GALNT11: variants seen among roughly 807,000 people sequenced by gnomAD.
GALNT11 encodes polypeptide N-acetylgalactosaminyltransferase 11.
GALNT11 carries 47 observed loss-of-function variants against 72.7 expected under a neutral mutation model. The ratio of observed to expected loss-of-function variants is 0.65; its 90% CI spans 0.51 to 0.82. The LOEUF (loss-of-function observed/expected upper bound fraction) is 0.82, where lower values mean the gene tolerates loss of function less well. Ranked by LOEUF, GALNT11 falls within the 40% of genes least tolerant of loss-of-function variation. The probability of loss-of-function intolerance (pLI) is 0.00; values close to 1 mark genes in which losing one functional copy is unlikely to be tolerated. For missense variants in GALNT11, 677 were observed against 778.4 expected (o/e 0.87, Z 1.55); for synonymous variants, 270 against 286.6 (o/e 0.94, Z 0.58).
At position 152,042,535 on chromosome 7, in the gene GALNT11, G is replaced by A. The variant is rs111772685; in HGVS notation, c.-39+16651G>A. The stretch of plus-strand genomic sequence containing the variant: ...TCTGTTAACCATTTTAAAGGTATAG[G>A]TTCTGGAGGCTTAACAATGGCCGCC... On this transcript the variant is annotated intron_variant, in intron 1 of 11. Coordinates refer to ENST00000430044, the MANE Select transcript of GALNT11 (RefSeq NM_022087.4). Among the ~76,000 whole-genome samples the A allele has an allele frequency of 1.8e-3, 270 of 152,250 alleles. 2 individuals carry two copies. The highest frequency in any genetic ancestry group is 6.3e-3 in the African/African-American group (260 of 41,536).
intron 1 of GALNT11, among the ~76,000 whole-genome samples, chr7:152,026,880 A>G (rs561044231): frequency 3.9e-5 from 6 of 152,240 alleles, no homozygotes; most frequent in Admixed American, 1.3e-4. Flanking sequence ...CACCTTGGGT[A>G]CATGCTCTCA....
At chr7:152,047,704 G>GTGTA (rs921692374) in intron 1 of GALNT11, among the ~76,000 whole-genome samples, 17 of 151,890 alleles carry the variant, frequency 1.1e-4, no homozygotes, top group African/African-American at 4.1e-4. Context: ...GTGTGTGTGT[G>GTGTA]TGTGTGCGCA....
At position 152,117,160 on chromosome 7, in the gene GALNT11, C is replaced by T; in HGVS notation, c.1237C>T (p.Gln413Ter). The T allele has an allele frequency of 1.3e-6, 2 of 1,580,740 alleles. No homozygotes were observed. Among genetic ancestry groups the T allele is most frequent in the Non-Finnish European group, 8.6e-7 (1 of 1,167,896 alleles). The change falls in exon 9 of 12, where the codon CAG becomes TAG. Residue 413 changes from glutamine to a stop codon, truncating the protein, a stop_gained. Transcript: ENST00000430044. LOFTEE classifies it high-confidence loss of function. ...AHVWLDEYKEQYFSLRPDLKT... is the reference protein window; with the variant it reads ...AHVWLDEYKE Reference sequence around the variant, plus strand: ...TTTTTACTTTTTTTAAATTCAGGAGCAGTATTTTTCCTTAAGACCTGACCT... The same window carrying T: ...TTTTTACTTTTTTTAAATTCAGGAGTAGTATTTTTCCTTAAGACCTGACCT...
intron 1 of GALNT11, among the ~76,000 whole-genome samples, chr7:152,060,823 A>T (rs1744688984): frequency 6.6e-6 from 1 of 152,178 alleles, no homozygotes; most frequent in Non-Finnish European, 1.5e-5. Context: ...CTATGGCTGT[A>T]TAGTATTCCA....
At chr7:152,056,289 G>T (rs565433974) in intron 1 of GALNT11, among the ~76,000 whole-genome samples, 1 of 152,310 alleles carries the variant, frequency 6.6e-6, no homozygotes, top group South Asian at 2.1e-4. Flanking sequence ...GTGCATTTTA[G>T]GATGTGCAGC....
chr7:152,071,655 G>A (rs756392987), intron 1 of GALNT11, among the ~76,000 whole-genome samples: 2 of 152,104 alleles, frequency 1.3e-5, no homozygotes, highest in Non-Finnish European at 2.9e-5. Flanking sequence ...TATTGATTGG[G>A]GAAGTGATAA....
At chr7:152,041,612 G>A (rs973474962) in intron 1 of GALNT11, among the ~76,000 whole-genome samples, 1 of 152,158 alleles carries the variant, frequency 6.6e-6, no homozygotes, top group Admixed American at 6.5e-5. Context: ...AGTCTTCTCT[G>A]GATCTATTCT....
rs983865771 is a variant in GALNT11 at position 152,094,395 on chromosome 7, T to C, written c.168T>C (p.Tyr56=). The C allele has an allele frequency of 3.7e-6, 6 of 1,613,968 alleles. No homozygotes were observed. The highest frequency in any genetic ancestry group is 5.1e-6 in the Non-Finnish European group (6 of 1,180,008). ...GPHGPSPKKF[Y]PRFTRGPSRV... is the part of the protein sequence containing the mutation. The stretch of plus-strand genomic sequence containing the variant: ...ACGGACCATCTCCAAAAAAATTCTA[T>C]CCCCGTTTCACTCGAGGCCCAAGTC... Residue 56 remains tyrosine, a synonymous_variant, in exon 2 of 12, where the codon TAT becomes TAC. Coordinates refer to ENST00000430044, the MANE Select transcript of GALNT11 (RefSeq NM_022087.4). This position sits in a 1 kb window ranked among gnomAD's most constrained non-coding sequence, Gnocchi z 4.3.
At chr7:152,064,420 C>G (rs1181079100) in intron 1 of GALNT11, among the ~76,000 whole-genome samples, 1 of 152,176 alleles carries the variant, frequency 6.6e-6, no homozygotes, top group Non-Finnish European at 1.5e-5. Flanking sequence ...ATTTGCCAAT[C>G]TGTGTTGTTT....
At chr7:152,033,734 G>A (rs548817523) in intron 1 of GALNT11, among the ~76,000 whole-genome samples, 5 of 151,996 alleles carry the variant, frequency 3.3e-5, no homozygotes, top group Admixed American at 1.3e-4. Flanking sequence ...AGATGTTTAC[G>A]ACTCCAGTCC....
rs774484512 is a variant in GALNT11 at position 152,121,728 on chromosome 7, G to A, written c.*51G>A. 5 of 1,587,616 alleles carry A rather than the reference G, an allele frequency of 3.1e-6. No individual in the cohort carries two copies. The highest frequency in any genetic ancestry group is 1.1e-5 in the South Asian group (1 of 87,630). The stretch of plus-strand genomic sequence containing the variant: ...CTTCATCAGGCGTTGCCTCCGGTGT[G>A]GAGTTTGGGGCTTTAGGAAAGCCTG... On this transcript the variant is annotated 3_prime_UTR_variant, in exon 12 of 12. Coordinates refer to ENST00000430044, the MANE Select transcript of GALNT11 (RefSeq NM_022087.4).
intron 1 of GALNT11, among the ~76,000 whole-genome samples, chr7:152,071,706 G>A (rs1056912461): frequency 1.3e-5 from 2 of 152,164 alleles, no homozygotes; most frequent in Admixed American, 1.3e-4. Flanking sequence ...AGAGATTGCA[G>A]TAAAGACAGG....
In GALNT11 at chr7:152,105,334, A is replaced by G. The variant is rs1563075041; in HGVS notation, c.676A>G (p.Ile226Val). Residue 226 changes from isoleucine (I) to valine (V), a missense_variant, in exon 5 of 12, where the codon ATT (isoleucine) becomes GTT (valine). Coordinates refer to ENST00000430044, the MANE Select transcript of GALNT11 (RefSeq NM_022087.4). The part of the protein sequence containing the change: ...VIRNTKREGL[I>V]RGRMIGAAHA... ...AAGAAATACAAAGCGTGAGGGGTTG[A>G]TTCGAGGGAGAATGATTGGCGCGGC... 6.2e-7 allele frequency: 1 copy of G among 1,614,014 alleles called. No homozygotes were observed.
Position 152,121,556 on chromosome 7 carries a change from G to T in GALNT11, c.1706G>T (p.Arg569Leu), listed in dbSNP as rs371120745. The T allele has an allele frequency of 8.1e-6, 13 of 1,606,714 alleles. No homozygotes were observed. The highest frequency in any genetic ancestry group is 1.1e-5 in the Non-Finnish European group (13 of 1,177,492). Residue 569 changes from arginine to leucine, a missense_variant, in exon 12 of 12, where the codon CGG becomes CTG. Coordinates refer to ENST00000430044, the MANE Select transcript of GALNT11 (RefSeq NM_022087.4). ...CTACCTTTTTTTCAGAAAAACAATC[G>T]GCTATACCAGGTGTCGGTTGGACAG... ...SQQWTFGKNN[R>L]LYQVSVGQCL...
chr7:152,050,647 G>A (rs1302308312), intron 1 of GALNT11, among the ~76,000 whole-genome samples: 5 of 152,256 alleles, frequency 3.3e-5, no homozygotes, highest in South Asian at 2.1e-4. Context: ...ACTGGGCTGC[G>A]TGCCCTCCAA....
Position 152,118,757 on chromosome 7 carries a change from C to T in GALNT11, c.1532C>T (p.Ala511Val), listed in dbSNP as rs1363145535. 4 of 1,609,318 alleles carry T rather than the reference C, an allele frequency of 2.5e-6. No individual in the cohort carries two copies. Among genetic ancestry groups the T allele is most frequent in the Non-Finnish European group, 3.4e-6 (4 of 1,178,662 alleles). Reference protein sequence around the residue: ...SQKGGLVVLKACDYSDPNQIW... With the variant: ...SQKGGLVVLKVCDYSDPNQIW... Reference sequence around the variant, plus strand: ...AAGGGAGGTCTCGTGGTGCTTAAGGCCTGTGACTACAGTGACCCAAATCAG... The same window carrying T: ...AAGGGAGGTCTCGTGGTGCTTAAGGTCTGTGACTACAGTGACCCAAATCAG... The change falls in exon 10 of 12, where the codon GCC becomes GTC. Residue 511 changes from alanine (A) to valine (V), a missense_variant. Ala to Val is a moderately conservative substitution (Grantham distance 64). Transcript: ENST00000430044.
At chr7:152,089,524 C>T (rs769979019) in intron 1 of GALNT11, among the ~76,000 whole-genome samples, 14 of 152,148 alleles carry the variant, frequency 9.2e-5, no homozygotes, top group African/African-American at 2.4e-4. Context: ...AGCCAGACCG[C>T]GCAATCTAAA....
intron 1 of GALNT11, among the ~76,000 whole-genome samples, chr7:152,036,371 TTAACA>T (rs771175345): frequency 6.6e-6 from 1 of 152,216 alleles, no homozygotes; most frequent in Non-Finnish European, 1.5e-5. Context: ...CTTATTTTAC[TTAACA>T]TAATGACCTC....
intron 1 of GALNT11, among the ~76,000 whole-genome samples, chr7:152,061,556 A>G (rs994815659): frequency 8.5e-5 from 13 of 152,190 alleles, no homozygotes; most frequent in Non-Finnish European, 1.3e-4. Context: ...GGCCATGCCT[A>G]TGTCCTGAAT....
Sources: gnomAD v4.1 joint callset for allele counts (sites outside exome capture counted in the v4.1 genomes callset) on GRCh38, gnomAD v4.1.1 for gene constraint, Gnocchi (gnomAD v3.1) non-coding constraint, MANE v1.5 for transcripts, NCBI Gene and HGNC (gene_info 2026-07-23, HGNC 2026-07-21) for gene names.